Variants in IPCEF1 observed in about 807,000 individuals in gnomAD.
The protein encoded by IPCEF1 is interactor protein for cytohesin exchange factors 1.
IPCEF1 carries 31 observed loss-of-function variants against 50.9 expected under a neutral mutation model. The observed-to-expected ratio is 0.61, with a 90% confidence interval of 0.46 to 0.82. The LOEUF (loss-of-function observed/expected upper bound fraction) is 0.82, where lower values mean the gene tolerates loss of function less well. Ranked by LOEUF, IPCEF1 falls within the 40% of genes least tolerant of loss-of-function variation. The probability of loss-of-function intolerance (pLI) is 0.00; values close to 1 mark genes in which losing one functional copy is unlikely to be tolerated. For synonymous variants in IPCEF1, 181 were observed against 192.0 expected (o/e 0.94, Z 0.47); for missense variants, 458 against 514.0 (o/e 0.89, Z 1.05).
intron 5 of IPCEF1, among the ~76,000 whole-genome samples, chr6:154,233,851 C>T (rs1779910411): frequency 6.6e-6 from 1 of 152,142 alleles, no homozygotes; most frequent in Non-Finnish European, 1.5e-5. Flanking sequence ...GTGCAGAGGT[C>T]CTCGGAGATC....
chr6:154,178,035 A>G (rs986589709), intron 10 of IPCEF1, among the ~76,000 whole-genome samples: 9 of 152,080 alleles, frequency 5.9e-5, no homozygotes, highest in African/African-American at 2.2e-4. Context: ...AAAATATCAC[A>G]AGGACAGAAA....
chr6:154,280,136 C>T (rs1458892038), intron 2 of IPCEF1, among the ~76,000 whole-genome samples: 1 of 152,222 alleles, frequency 6.6e-6, no homozygotes, highest in Non-Finnish European at 1.5e-5. Context: ...TGTTTGGCAA[C>T]ACCTGCTAAG....
chr6:154,216,599 G>C (rs112311709), intron 7 of IPCEF1, among the ~76,000 whole-genome samples: 1 of 152,246 alleles, frequency 6.6e-6, no homozygotes, highest in African/African-American at 2.4e-5. Context: ...GCCGGGCACA[G>C]TGGCTCACAC....
At chr6:154,339,575 T>TTTTGTTTG (rs71268488) in intron 1 of IPCEF1, among the ~76,000 whole-genome samples, 58 of 149,644 alleles carry the variant, frequency 3.9e-4, no homozygotes, top group East Asian at 8.0e-4. Flanking sequence ...GCCTGGCGTT[T>TTTTGTTTG]TTTGTTTGTT....
chr6:154,266,094 A>T, intron 2 of IPCEF1, 130 bp from the exon 3 acceptor site: 1 of 612,596 alleles, frequency 1.6e-6, no homozygotes, highest in East Asian at 3.1e-5. Flanking sequence ...TAATTCATTA[A>T]ATAGCCTTTC....
chr6:154,251,214 A>T (rs1462014074), intron 3 of IPCEF1, among the ~76,000 whole-genome samples: 1 of 152,232 alleles, frequency 6.6e-6, no homozygotes, highest in Non-Finnish European at 1.5e-5. Context: ...GATAATGAAG[A>T]AAGACAATAG....
chr6:154,169,120 G>T (rs1385567180), intron 10 of IPCEF1, among the ~76,000 whole-genome samples: 1 of 152,066 alleles, frequency 6.6e-6, no homozygotes. Context: ...CAACACTTTG[G>T]GAGGCCAAGG....
At chr6:154,291,723 C>T (rs904835020) in intron 1 of IPCEF1, among the ~76,000 whole-genome samples, 4 of 129,754 alleles carry the variant, frequency 3.1e-5, no homozygotes, top group East Asian at 2.5e-4. Context: ...CTCGCACTCT[C>T]GTCCAGGCTG....
chr6:154,337,268 G>C (rs953708906), intron 1 of IPCEF1, among the ~76,000 whole-genome samples: 1 of 152,140 alleles, frequency 6.6e-6, no homozygotes, highest in African/African-American at 2.4e-5. Flanking sequence ...AAAGCGGAAA[G>C]AAAAAGGCTA....
At chr6:154,172,891 G>A (rs1301605075) in intron 10 of IPCEF1, among the ~76,000 whole-genome samples, 1 of 152,194 alleles carries the variant, frequency 6.6e-6, no homozygotes, top group Admixed American at 6.5e-5. Context: ...AGCCTGACTG[G>A]AGCCTCACCT....
At chr6:154,314,281 T>A (rs1037141578) in intron 1 of IPCEF1, among the ~76,000 whole-genome samples, 4 of 152,168 alleles carry the variant, frequency 2.6e-5, no homozygotes, top group Non-Finnish European at 5.9e-5. Context: ...ATGCCCAATA[T>A]AAATGCCAAT....
At chr6:154,264,085 A>C (rs1781687951) in intron 3 of IPCEF1, among the ~76,000 whole-genome samples, 1 of 149,308 alleles carries the variant, frequency 6.7e-6, no homozygotes, top group South Asian at 2.2e-4. Context: ...AGCCACATTG[A>C]TTCTCTTATT....
chr6:154,277,599 T>C (rs922782980), intron 2 of IPCEF1, among the ~76,000 whole-genome samples: 1 of 152,182 alleles, frequency 6.6e-6, no homozygotes, highest in Admixed American at 6.5e-5. Flanking sequence ...AAAAAGAAAA[T>C]GTTCTATTTG....
At chr6:154,356,184 C>T (rs1461654597) in intron 1 of IPCEF1, among the ~76,000 whole-genome samples, 1 of 152,180 alleles carries the variant, frequency 6.6e-6, no homozygotes, top group East Asian at 1.9e-4. Context: ...GAACCAACAA[C>T]ACCTAGCTTT....
intron 5 of IPCEF1, among the ~76,000 whole-genome samples, chr6:154,236,863 C>A (rs961705032): frequency 2.0e-5 from 3 of 152,144 alleles, no homozygotes; most frequent in Non-Finnish European, 4.4e-5. Context: ...TGTAGAGATT[C>A]TACATTGTGA....
intron 9 of IPCEF1, among the ~76,000 whole-genome samples, chr6:154,203,658 C>A (rs573933464): frequency 6.6e-6 from 1 of 152,160 alleles, no homozygotes; most frequent in Non-Finnish European, 1.5e-5. Context: ...TAAACCCCCA[C>A]AGATACCAAG....
intron 3 of IPCEF1, among the ~76,000 whole-genome samples, chr6:154,259,961 G>A (rs935189989): frequency 6.6e-6 from 1 of 152,162 alleles, no homozygotes; most frequent in Non-Finnish European, 1.5e-5. Flanking sequence ...CCAGAAATGT[G>A]AAGAATAAAC....
chr6:154,345,358 A>C (rs1784007254), intron 1 of IPCEF1, among the ~76,000 whole-genome samples: 1 of 152,234 alleles, frequency 6.6e-6, no homozygotes, highest in African/African-American at 2.4e-5. Flanking sequence ...TTCTAGGCTT[A>C]AGACATTATC....
At chr6:154,219,564 G>C (rs1052205538) in intron 7 of IPCEF1, among the ~76,000 whole-genome samples, 7 of 152,098 alleles carry the variant, frequency 4.6e-5, no homozygotes, top group African/African-American at 1.7e-4. Flanking sequence ...TAGCGGGCGA[G>C]ACCTTGTGCC....
Sources: gnomAD v4.1 joint callset for allele counts (sites outside exome capture counted in the v4.1 genomes callset) on GRCh38, gnomAD v4.1.1 for gene constraint, MANE v1.5 for transcripts, NCBI Gene and HGNC (gene_info 2026-07-23, HGNC 2026-07-21) for gene names.